The following HS3ST3A1 variants were observed in gnomAD, a reference collection of about 807,000 sequenced individuals.
HS3ST3A1 encodes the protein heparan sulfate-glucosamine 3-sulfotransferase 3A1, also known as heparan sulfate glucosamine 3-O-sulfotransferase 3A1.
Under a neutral mutation model 25.7 loss-of-function variants are expected in HS3ST3A1, and 19 were observed. The observed-to-expected ratio is 0.74, with a 90% confidence interval of 0.52 to 1.08. HS3ST3A1 has a LOEUF of 1.08. HS3ST3A1 is among the 50% of genes least tolerant of loss of function. The probability of loss-of-function intolerance (pLI) is 0.00; values close to 1 mark genes in which losing one functional copy is unlikely to be tolerated. For missense variants in HS3ST3A1, 459 were observed against 594.3 expected, an observed-to-expected ratio of 0.77 and a Z score of 2.37; for synonymous variants, 226 against 278.6, an observed-to-expected ratio of 0.81 and a Z score of 1.88.
intron 1 of HS3ST3A1, among the ~76,000 whole-genome samples, chr17:13,504,992 T>C (rs938269474): frequency 6.6e-6 from 1 of 152,226 alleles, no homozygotes; most frequent in Non-Finnish European, 1.5e-5. Context: ...GGGTGACGAC[T>C]TTCTCAGCTA....
intron 1 of HS3ST3A1, among the ~76,000 whole-genome samples, chr17:13,509,230 C>T (rs80247310): frequency 0.055 from 8,440 of 152,146 alleles, 270 homozygotes; most frequent in African/African-American, 0.077. Flanking sequence ...CCTTTATGCT[C>T]AGCTAAGTTT....
In HS3ST3A1 at chr17:13,601,748, GA is replaced by G. The variant is rs1409542320; in HGVS notation, c.-620del. 2 of 152,650 alleles carry G rather than the reference GA, an allele frequency of 1.3e-5. No individual in the cohort carries two copies. The highest frequency in any genetic ancestry group is 4.8e-5 in the African/African-American group (2 of 41,474). 9.5% of individuals were successfully genotyped at this position (152,650 alleles called of 1,614,324 possible). ...CCCCCGAGTCCCTCTGCCCGAGCGG[GA>G]GACAGGAGGCCCGTGCAGAGCCGTC... On this transcript the variant is annotated 5_prime_UTR_variant, in exon 1 of 2. Coordinates refer to ENST00000284110, the MANE Select transcript of HS3ST3A1 (RefSeq NM_006042.3).
chr17:13,527,689 C>T (rs1173266068), intron 1 of HS3ST3A1, among the ~76,000 whole-genome samples: 3 of 152,222 alleles, frequency 2.0e-5, no homozygotes, highest in South Asian at 2.1e-4. Flanking sequence ...GGGAAACAAA[C>T]TCTGCTCCAA....
intron 1 of HS3ST3A1, among the ~76,000 whole-genome samples, chr17:13,560,347 G>A (rs1160048880): frequency 2.2e-5 from 3 of 133,958 alleles, no homozygotes; most frequent in African/African-American, 8.3e-5. Flanking sequence ...TCTTCAACTG[G>A]AGTCACCATT....
At chr17:13,508,131 C>T (rs1408997333) in intron 1 of HS3ST3A1, among the ~76,000 whole-genome samples, 1 of 152,174 alleles carries the variant, frequency 6.6e-6, no homozygotes, top group Non-Finnish European at 1.5e-5. Flanking sequence ...AGCTAAACAT[C>T]AGGGTTAGAG....
intron 1 of HS3ST3A1, among the ~76,000 whole-genome samples, chr17:13,586,714 A>G (rs1908276789): frequency 6.6e-6 from 1 of 150,768 alleles, no homozygotes; most frequent in Non-Finnish European, 1.5e-5. Flanking sequence ...AAAAAAATAC[A>G]AAAAAATTAG....
At chr17:13,579,684 G>A (rs1429815814) in intron 1 of HS3ST3A1, among the ~76,000 whole-genome samples, 2 of 114,630 alleles carry the variant, frequency 1.7e-5, no homozygotes, top group African/African-American at 6.9e-5. Flanking sequence ...CTGGGTGACA[G>A]AGCCAGACTC....
chr17:13,600,395 A>C (rs1649539870), intron 1 of HS3ST3A1, 136 bp downstream of exon 1: 1 of 1,378,692 alleles, frequency 7.3e-7, no homozygotes. Flanking sequence ...GAGGGAAGAA[A>C]GACCCTTGAC....
intron 1 of HS3ST3A1, among the ~76,000 whole-genome samples, chr17:13,535,022 A>G (rs1598417807): frequency 6.9e-6 from 1 of 145,928 alleles, no homozygotes; most frequent in Middle Eastern, 3.4e-3. Flanking sequence ...GCAAAACTCC[A>G]TCTCAAAAAT....
intron 1 of HS3ST3A1, among the ~76,000 whole-genome samples, chr17:13,520,629 T>C (rs149812341): frequency 6.1e-5 from 9 of 148,466 alleles, no homozygotes; most frequent in Admixed American, 4.6e-4. Context: ...TTTTTTTTTT[T>C]GGGGAAATAG....
chr17:13,554,397 A>G (rs1377969270), intron 1 of HS3ST3A1, among the ~76,000 whole-genome samples: 1 of 152,228 alleles, frequency 6.6e-6, no homozygotes, highest in East Asian at 1.9e-4. Flanking sequence ...AAGCTTATTA[A>G]AAAATATAAA....
intron 1 of HS3ST3A1, among the ~76,000 whole-genome samples, chr17:13,522,287 T>C (rs550624413): frequency 1.3e-5 from 2 of 152,262 alleles, no homozygotes; most frequent in South Asian, 4.1e-4. Context: ...GAAAGCCTAT[T>C]ATTTATCTGT....
At chr17:13,500,230 T>C (rs1219385603) in intron 1 of HS3ST3A1, among the ~76,000 whole-genome samples, 1 of 152,254 alleles carries the variant, frequency 6.6e-6, no homozygotes, top group Admixed American at 6.5e-5. Context: ...TTGGAAATTG[T>C]TCTTCTTTAC....
intron 1 of HS3ST3A1, among the ~76,000 whole-genome samples, chr17:13,524,664 G>A (rs1490677231): frequency 6.6e-6 from 1 of 152,192 alleles, no homozygotes; most frequent in Non-Finnish European, 1.5e-5. Flanking sequence ...AAATTTCTAC[G>A]TGTTCTATGG....
At chr17:13,526,750 C>T (rs1406033551) in intron 1 of HS3ST3A1, among the ~76,000 whole-genome samples, 7 of 151,880 alleles carry the variant, frequency 4.6e-5, no homozygotes, top group South Asian at 2.1e-4. Context: ...CAGGTTCAAG[C>T]GATTCTCCTG....
intron 1 of HS3ST3A1, among the ~76,000 whole-genome samples, chr17:13,508,815 T>C (rs896265577): frequency 6.6e-6 from 1 of 152,216 alleles, no homozygotes; most frequent in African/African-American, 2.4e-5. Context: ...TGTCAGAATC[T>C]GTAAGATGAT....
At chr17:13,501,563 T>TA (rs1217281714) in intron 1 of HS3ST3A1, among the ~76,000 whole-genome samples, 5 of 152,148 alleles carry the variant, frequency 3.3e-5, no homozygotes, top group Non-Finnish European at 7.4e-5. Flanking sequence ...TGATCTCAAA[T>TA]ATAAAAACGA....
At chr17:13,594,343 A>C (rs538078735) in intron 1 of HS3ST3A1, among the ~76,000 whole-genome samples, 1 of 152,238 alleles carries the variant, frequency 6.6e-6, no homozygotes, top group South Asian at 2.1e-4. Flanking sequence ...CAGGCCCTGG[A>C]CTGCAGGCGC....
intron 1 of HS3ST3A1, among the ~76,000 whole-genome samples, chr17:13,533,259 A>G (rs1906664521): frequency 6.6e-6 from 1 of 152,120 alleles, no homozygotes; most frequent in Admixed American, 6.5e-5. Flanking sequence ...CTGCTTAATA[A>G]GGGAAATAGG....
Sources: gnomAD v4.1 joint callset for allele counts (sites outside exome capture counted in the v4.1 genomes callset) on GRCh38, gnomAD v4.1.1 for gene constraint, MANE v1.5 for transcripts, NCBI Gene and HGNC (gene_info 2026-07-23, HGNC 2026-07-21) for gene names.